KNTC1: variants seen among roughly 807,000 people sequenced by gnomAD.
The protein encoded by KNTC1 is kinetochore-associated protein 1.
KNTC1 carries 253 observed loss-of-function variants against 314.4 expected under a neutral mutation model. The observed-to-expected ratio is 0.80, with a 90% CI of 0.73 to 0.89. The LOEUF (loss-of-function observed/expected upper bound fraction) is 0.89, where lower values mean the gene tolerates loss of function less well. Ranked by LOEUF, KNTC1 falls within the 40% of genes least tolerant of loss-of-function variation. The probability of loss-of-function intolerance (pLI) is 0.00; values close to 1 mark genes in which losing one functional copy is unlikely to be tolerated. For synonymous variants in KNTC1, 901 were observed against 901.4 expected (o/e 1.00, Z 0.01); for missense variants, 2,475 against 2,572.9 (o/e 0.96, Z 0.82).
intron 41 of KNTC1, 64 bp downstream of exon 41, chr12:122,590,799 G>A (rs1870089027): frequency 6.6e-7 from 1 of 1,512,816 alleles, no homozygotes. Flanking sequence ...GAGAAATGAA[G>A]TTGGTTTTGC....
intron 63 of KNTC1, among the ~76,000 whole-genome samples, chr12:122,625,779 G>A (rs916644595): frequency 6.6e-6 from 1 of 152,070 alleles, no homozygotes; most frequent in Non-Finnish European, 1.5e-5. Flanking sequence ...GAACTTAAGT[G>A]CCAGGTAAAA....
At chr12:122,587,377 GTTATT>G (rs1869507936) in intron 38 of KNTC1, among the ~76,000 whole-genome samples, 1 of 152,126 alleles carries the variant, frequency 6.6e-6, no homozygotes, top group African/African-American at 2.4e-5. Flanking sequence ...TTTTTACATT[GTTATT>G]TGTTTAAAAG....
chr12:122,592,933 A>C (rs1425351228), intron 42 of KNTC1: 1 of 152,620 alleles, frequency 6.6e-6, no homozygotes, highest in Non-Finnish European at 1.5e-5. Flanking sequence ...ACTCACATGA[A>C]GATCTGCAGC....
chr12:122,533,582 A>G (rs899016665), intron 2 of KNTC1, among the ~76,000 whole-genome samples: 6 of 152,078 alleles, frequency 3.9e-5, no homozygotes, highest in Non-Finnish European at 7.4e-5. Context: ...GTGTAGTCCC[A>G]GCTACTTGGG....
intron 31 of KNTC1, among the ~76,000 whole-genome samples, chr12:122,578,839 C>T (rs932918100): frequency 6.6e-6 from 1 of 152,040 alleles, no homozygotes; most frequent in Non-Finnish European, 1.5e-5. Flanking sequence ...CTAATATTTG[C>T]TATGCAATAG....
intron 27 of KNTC1, 32 bp from the exon 28 acceptor site, chr12:122,575,511 C>A: frequency 6.8e-7 from 1 of 1,460,636 alleles, no homozygotes; most frequent in South Asian, 1.2e-5. Context: ...AACCTGAGGG[C>A]TGTTCCTTGT....
At chr12:122,592,888 CTCTTTGGG>C (rs1870479698) in intron 42 of KNTC1, 1 of 152,356 alleles carries the variant, frequency 6.6e-6, no homozygotes, top group Non-Finnish European at 1.5e-5. Flanking sequence ...CTACTGCTCA[CTCTTTGGG>C]TCCACGCTGT....
chr12:122,611,121 C>G (rs1344795364), intron 53 of KNTC1: 1 of 526,556 alleles, frequency 1.9e-6, no homozygotes, highest in Non-Finnish European at 3.4e-6. Flanking sequence ...GAATGGTGCA[C>G]CTATTGACAG....
chr12:122,606,514 G>A (rs752940973), intron 51 of KNTC1, among the ~76,000 whole-genome samples: 1 of 152,036 alleles, frequency 6.6e-6, no homozygotes, highest in Admixed American at 6.5e-5. Context: ...CACCACGCCT[G>A]GCCTGTGGTT....
chr12:122,566,320 T>C (rs879361225), intron 20 of KNTC1, among the ~76,000 whole-genome samples: 76 of 151,576 alleles, frequency 5.0e-4, no homozygotes, highest in Non-Finnish European at 8.1e-4. Flanking sequence ...CGATCTTGAC[T>C]CTGGCTCACT....
intron 24 of KNTC1, among the ~76,000 whole-genome samples, chr12:122,572,567 CT>C (rs1452220011): frequency 2.0e-5 from 3 of 151,818 alleles, no homozygotes; most frequent in African/African-American, 7.3e-5. Flanking sequence ...AGGTTCTGTT[CT>C]TTTTATATAA....
chr12:122,541,677 A>G (rs894585735), intron 5 of KNTC1, among the ~76,000 whole-genome samples: 1 of 151,680 alleles, frequency 6.6e-6, no homozygotes, highest in African/African-American at 2.4e-5. Context: ...TTCAAAAGCC[A>G]CGTTCAAACA....
chr12:122,576,561 G>C lies in KNTC1; in HGVS notation c.2587-334G>C, dbSNP rs1057190855. 2.6e-5 allele frequency among the ~76,000 whole-genome samples: 4 copies of C among 152,072 alleles called. No homozygotes were observed. In the East Asian group the frequency reaches 7.8e-4, roughly 30 times the overall value. Reference sequence around the variant, plus strand: ...CAGGGTGTGGTGGCATGTGCCTGTAGTCCCAGCTACTTGGGAGGCTGAGGG... The same window carrying C: ...CAGGGTGTGGTGGCATGTGCCTGTACTCCCAGCTACTTGGGAGGCTGAGGG... On this transcript the variant is annotated intron_variant, in intron 29 of 63. Transcript: ENST00000333479.
Position 122,591,414 on chromosome 12 carries a change from T to C in KNTC1, c.4206T>C (p.Ser1402=). ...TGGGGCTTAAGTTCCGTGAACTCAG[T>C]ACTGATGCCCAGTGGGGCATTCGTC... ...IEMGLKFREL[S]TDAQWGIRLG... The change falls in exon 42 of 64, where the codon AGT becomes AGC. Residue 1402 remains serine, a synonymous_variant. Transcript: ENST00000333479. 6.2e-7 allele frequency: 1 copy of C among 1,608,338 alleles called. No individual in the cohort carries two copies. The highest frequency in any genetic ancestry group is 1.3e-5 in the African/African-American group (1 of 74,884).
chr12:122,534,544 A>AG (rs1302037731), intron 2 of KNTC1, 120 bp from the exon 3 acceptor site: 1 of 911,390 alleles, frequency 1.1e-6, no homozygotes, highest in East Asian at 2.7e-5. Flanking sequence ...GAGGGGCTAA[A>AG]GAAAAAAAGC....
At position 122,575,881 on chromosome 12, in the gene KNTC1, CTT is replaced by C; in HGVS notation, c.2569_2570del (p.Leu857LysfsTer9). On this transcript the variant is annotated frameshift_variant, in exon 29 of 64. Coordinates refer to ENST00000333479, the MANE Select transcript of KNTC1 (RefSeq NM_014708.6). LOFTEE classifies it high-confidence loss of function. ...GCTATGGAATAAGAGAGGTAAATCT[CTT>C]AAACAAGGAAATAATGGTAAGTACA... ...RGYGIREVNL[L>X]NKEIMRVVRY... 1 of 1,611,744 alleles carries C rather than the reference CTT, an allele frequency of 6.2e-7. No individual in the cohort carries two copies. The highest frequency in any genetic ancestry group is 1.1e-5 in the South Asian group (1 of 90,390).
At chr12:122,545,861 G>A (rs189813123) in intron 8 of KNTC1, among the ~76,000 whole-genome samples, 120 of 152,018 alleles carry the variant, frequency 7.9e-4, no homozygotes, top group East Asian at 3.9e-3. Context: ...TGAGGTGGGA[G>A]GATCGCTTGA....
intron 40 of KNTC1, among the ~76,000 whole-genome samples, chr12:122,590,090 T>C (rs560880573): frequency 6.6e-6 from 1 of 152,110 alleles, no homozygotes; most frequent in East Asian, 1.9e-4. Context: ...GGCCTAAAAT[T>C]TTTTATTTGG....
chr12:122,552,471 C>A (rs1349488309), intron 16 of KNTC1, among the ~76,000 whole-genome samples: 2 of 152,128 alleles, frequency 1.3e-5, no homozygotes, highest in Admixed American at 6.5e-5. Context: ...CTCAAGTGAT[C>A]CTCCTGCTTC....
Sources: gnomAD v4.1 joint callset for allele counts (sites outside exome capture counted in the v4.1 genomes callset) on GRCh38, gnomAD v4.1.1 for gene constraint, MANE v1.5 for transcripts, NCBI Gene and HGNC (gene_info 2026-07-23, HGNC 2026-07-21) for gene names.